PLCG2: variants seen among roughly 807,000 people sequenced by gnomAD.
The protein encoded by PLCG2 is phospholipase C gamma 2.
PLCG2 carries 69 observed loss-of-function variants against 175.6 expected under a neutral mutation model. That is an observed-to-expected ratio of 0.39 (90% CI 0.32 to 0.48). PLCG2 has a LOEUF of 0.48. Ranked by LOEUF, PLCG2 falls within the 20% of genes least tolerant of loss-of-function variation. The probability of loss-of-function intolerance (pLI) is 0.91; values close to 1 mark genes in which losing one functional copy is unlikely to be tolerated. For missense variants in PLCG2, 1,798 were observed against 1,650.9 expected (o/e 1.09, Z -1.54); for synonymous variants, 827 against 624.0 (o/e 1.33, Z -4.85).
intron 2 of PLCG2, among the ~76,000 whole-genome samples, chr16:81,825,587 G>C (rs369445776): frequency 6.6e-6 from 1 of 152,086 alleles, no homozygotes; most frequent in East Asian, 1.9e-4. Flanking sequence ...GAGCCACCGC[G>C]CCCAGCCCGA....
At chr16:81,782,035 C>T (rs1597315098) in intron 1 of PLCG2, among the ~76,000 whole-genome samples, 2 of 152,124 alleles carry the variant, frequency 1.3e-5, no homozygotes, top group African/African-American at 4.8e-5. Flanking sequence ...CCACACCCGG[C>T]TAATTGTTTT....
chr16:81,904,659 T>C (rs976176822), intron 14 of PLCG2, among the ~76,000 whole-genome samples: 1 of 152,206 alleles, frequency 6.6e-6, no homozygotes, highest in East Asian at 1.9e-4. Flanking sequence ...GTGGTGTTGT[T>C]GTTTATTCAC....
At chr16:81,815,164 G>A (rs1056654177) in intron 2 of PLCG2, among the ~76,000 whole-genome samples, 1 of 152,292 alleles carries the variant, frequency 6.6e-6, no homozygotes. Flanking sequence ...ATGACGCTCT[G>A]GAACGCCTCT....
intron 1 of PLCG2, among the ~76,000 whole-genome samples, chr16:81,747,563 A>G (rs1165766609): frequency 6.6e-6 from 1 of 152,046 alleles, no homozygotes; most frequent in Non-Finnish European, 1.5e-5. Context: ...TAATGGTAGT[A>G]TTGTTTTTTA....
At chr16:81,902,633 C>G (rs927170627) in intron 14 of PLCG2, among the ~76,000 whole-genome samples, 1 of 152,038 alleles carries the variant, frequency 6.6e-6, no homozygotes, top group African/African-American at 2.4e-5. Flanking sequence ...AGAGCTCTAC[C>G]CTCATTCCCA....
At chr16:81,844,130 C>G (rs897191304) in intron 2 of PLCG2, among the ~76,000 whole-genome samples, 2 of 147,068 alleles carry the variant, frequency 1.4e-5, no homozygotes, top group African/African-American at 5.0e-5. Flanking sequence ...GTGCCCGCCA[C>G]CACACCCGGC....
At chr16:81,838,913 G>C (rs1422909537) in intron 2 of PLCG2, among the ~76,000 whole-genome samples, 1 of 151,830 alleles carries the variant, frequency 6.6e-6, no homozygotes, top group Non-Finnish European at 1.5e-5. Context: ...CGGTGACCCA[G>C]TCCTCTCTTT....
chr16:81,959,716 G>A lies in PLCG2; in HGVS notation c.*1718G>A, dbSNP rs1000456355. On this transcript the variant is annotated 3_prime_UTR_variant, in exon 33 of 33. Coordinates refer to ENST00000564138, the MANE Select transcript of PLCG2 (RefSeq NM_002661.5). Reference sequence around the variant, plus strand: ...AGAAAGGCTAGGTGAGAAAGGCACTGGGATGAGTGCTGCAGGCACTCTGTA... The same window carrying A: ...AGAAAGGCTAGGTGAGAAAGGCACTAGGATGAGTGCTGCAGGCACTCTGTA... 1 of 184,748 alleles carries A rather than the reference G, an allele frequency of 5.4e-6. No homozygotes were observed. The highest frequency in any genetic ancestry group is 8.8e-5 in the East Asian group (1 of 11,398). The allele number at this position is 184,748 out of a possible 1,614,324, so 11.4% of individuals were successfully genotyped here. A position where few individuals can be genotyped will look rare whatever the true frequency, so the allele number is the denominator to read the frequency against.
intron 7 of PLCG2, among the ~76,000 whole-genome samples, chr16:81,874,733 C>A (rs770926109): frequency 6.6e-6 from 1 of 152,104 alleles, no homozygotes; most frequent in Non-Finnish European, 1.5e-5. Flanking sequence ...CTTGCTAGTT[C>A]CTCTTTGTGT....
chr16:81,852,643 A>T (rs1408972811), intron 2 of PLCG2, among the ~76,000 whole-genome samples: 1 of 152,164 alleles, frequency 6.6e-6, no homozygotes, highest in Non-Finnish European at 1.5e-5. Flanking sequence ...TGCAGAACGG[A>T]AGGATTTCTT....
chr16:81,950,030 A>G (rs1255800504), intron 31 of PLCG2, among the ~76,000 whole-genome samples: 1 of 152,212 alleles, frequency 6.6e-6, no homozygotes, highest in Non-Finnish European at 1.5e-5. Flanking sequence ...ATAAGGAGGA[A>G]AAAAGGAGAT....
intron 17 of PLCG2, 99 bp from the exon 18 acceptor site, chr16:81,910,421 G>T (rs1438006250): frequency 1.9e-6 from 2 of 1,032,888 alleles, no homozygotes; most frequent in East Asian, 4.9e-5. Context: ...CAGAGGGAAG[G>T]TTGTGTGGCC....
intron 2 of PLCG2, among the ~76,000 whole-genome samples, chr16:81,838,210 C>T (rs1017560043): frequency 2.0e-5 from 3 of 151,990 alleles, no homozygotes; most frequent in African/African-American, 7.3e-5. Flanking sequence ...TCCCAGCTTC[C>T]CAAGCACCTG....
At chr16:81,862,656 G>A (rs1907039493) in intron 5 of PLCG2, among the ~76,000 whole-genome samples, 1 of 152,154 alleles carries the variant, frequency 6.6e-6, no homozygotes, top group Admixed American at 6.5e-5. Context: ...GATCGCTTGA[G>A]CTCAGGAGTT....
rs1907483752 is a variant in PLCG2 at position 81,870,912 on chromosome 16, CTT to C, written c.626_627del (p.Leu209HisfsTer3). 6.3e-7 allele frequency: 1 copy of C among 1,596,444 alleles called. No homozygotes were observed. Among genetic ancestry groups the C allele is most frequent in the African/African-American group, 1.3e-5 (1 of 74,430 alleles). The part of the protein sequence containing the change: ...FEQFHLFYKK[L>X]MFEQQKSILD... ...ACAGTTCCATCTCTTCTATAAAAAA[CTT>C]ATGTTTGAACAGCAAAAATCGGTAA... On this transcript the variant is annotated frameshift_variant, in exon 7 of 33. Transcript: ENST00000564138. LOFTEE classifies it high-confidence loss of function.
intron 2 of PLCG2, among the ~76,000 whole-genome samples, chr16:81,791,739 A>G (rs1240129148): frequency 2.0e-5 from 3 of 152,020 alleles, no homozygotes; most frequent in Non-Finnish European, 4.4e-5. Context: ...TAATTTTTGT[A>G]TTTTTAGTAG....
upstream of PLCG2, among the ~76,000 whole-genome samples, chr16:81,774,741 G>A (rs1026154753): frequency 1.3e-5 from 2 of 151,144 alleles, no homozygotes; most frequent in African/African-American, 4.9e-5. Flanking sequence ...ACCCTCTAAG[G>A]GTGTTTTTTT....
intron 19 of PLCG2, among the ~76,000 whole-genome samples, chr16:81,915,962 C>G (rs1909821989): frequency 6.6e-6 from 1 of 152,188 alleles, no homozygotes; most frequent in Admixed American, 6.5e-5. Flanking sequence ...GCACAGTTTT[C>G]TAGCTGGTGT....
At chr16:81,839,788 T>A (rs1171695510) in intron 2 of PLCG2, among the ~76,000 whole-genome samples, 1 of 152,204 alleles carries the variant, frequency 6.6e-6, no homozygotes, top group Non-Finnish European at 1.5e-5. Flanking sequence ...TGGTGGCTCA[T>A]GCCTGTAATC....
Sources: gnomAD v4.1 joint callset for allele counts (sites outside exome capture counted in the v4.1 genomes callset) on GRCh38, gnomAD v4.1.1 for gene constraint, MANE v1.5 for transcripts, NCBI Gene and HGNC (gene_info 2026-07-23, HGNC 2026-07-21) for gene names.